EGLN3: variants seen among roughly 807,000 people sequenced by gnomAD.
EGLN3 encodes the protein egl-9 family hypoxia inducible factor 3.
A neutral mutation model predicts 26.0 loss-of-function variants in EGLN3; 15 were observed. The ratio of observed to expected loss-of-function variants is 0.58; its 90% CI spans 0.39 to 0.89. The LOEUF is 0.89. EGLN3 is among the 40% of genes least tolerant of loss of function. The probability of loss-of-function intolerance (pLI) is 0.00; values close to 1 mark genes in which losing one functional copy is unlikely to be tolerated. For missense variants in EGLN3, 238 were observed against 311.6 expected, an observed-to-expected ratio of 0.76 and a Z score of 1.78; for synonymous variants, 147 against 127.2, an observed-to-expected ratio of 1.16 and a Z score of -1.05.
At chr14:33,926,231 A>T (rs950276074) in intron 4 of EGLN3, among the ~76,000 whole-genome samples, 17 of 152,210 alleles carry the variant, frequency 1.1e-4, no homozygotes, top group Admixed American at 6.5e-4. Flanking sequence ...TCTGGAAGAG[A>T]AAACAAACTG....
At chr14:33,925,992 G>A (rs768724418) in intron 4 of EGLN3, 70 bp from the exon 5 acceptor site, 29 of 1,517,740 alleles carry the variant, frequency 1.9e-5, no homozygotes, top group Non-Finnish European at 2.6e-5. Context: ...TGTCACAAAT[G>A]TCACCAAAAA....
chr14:33,943,430 A>G (rs1189653227), intron 1 of EGLN3, among the ~76,000 whole-genome samples: 1 of 152,224 alleles, frequency 6.6e-6, no homozygotes, highest in African/African-American at 2.4e-5. Flanking sequence ...GAAAAGCGAC[A>G]CCCGTTTCTT....
At chr14:33,933,723 C>T (rs2064420501) in intron 1 of EGLN3, among the ~76,000 whole-genome samples, 1 of 151,970 alleles carries the variant, frequency 6.6e-6, no homozygotes, top group African/African-American at 2.4e-5. Flanking sequence ...AAGGATGCAC[C>T]GAGAAGCAAG....
At chr14:33,933,430 C>A (rs2064418400) in intron 1 of EGLN3, among the ~76,000 whole-genome samples, 1 of 151,904 alleles carries the variant, frequency 6.6e-6, no homozygotes, top group Admixed American at 6.6e-5. Context: ...TAGGACAAAA[C>A]CCCTACATGT....
At chr14:33,925,985 C>T in intron 4 of EGLN3, 63 bp from the exon 5 acceptor site, 1 of 1,533,874 alleles carries the variant, frequency 6.5e-7, no homozygotes, top group Non-Finnish European at 9.0e-7. Flanking sequence ...AGTTTTATGT[C>T]ACAAATGTCA....
At chr14:33,935,620 C>CAT (rs1245783595) in intron 1 of EGLN3, among the ~76,000 whole-genome samples, 141 of 74,658 alleles carry the variant, frequency 1.9e-3, no homozygotes, top group Middle Eastern at 6.9e-3. Flanking sequence ...CACACACACA[C>CAT]ATATATATAT....
chr14:33,927,995 C>T (rs553381871), intron 3 of EGLN3, among the ~76,000 whole-genome samples: 12 of 151,904 alleles, frequency 7.9e-5, no homozygotes, highest in South Asian at 2.1e-4. Context: ...TAGCTACTTC[C>T]GTAGCTAACA....
At chr14:33,939,557 G>A (rs1161370424) in intron 1 of EGLN3, among the ~76,000 whole-genome samples, 1 of 152,158 alleles carries the variant, frequency 6.6e-6, no homozygotes, top group Non-Finnish European at 1.5e-5. Context: ...TTCAGCACTT[G>A]GAAAAACAGA....
At chr14:33,947,691 T>C (rs1488317081) in intron 1 of EGLN3, among the ~76,000 whole-genome samples, 6 of 152,214 alleles carry the variant, frequency 3.9e-5, no homozygotes, top group Non-Finnish European at 7.3e-5. Flanking sequence ...AATTGGGTGA[T>C]GGGAGCTCAT....
intron 3 of EGLN3, among the ~76,000 whole-genome samples, chr14:33,928,341 T>C (rs1239708458): frequency 6.6e-6 from 1 of 152,158 alleles, no homozygotes; most frequent in African/African-American, 2.4e-5. Context: ...CTCCTGCCCC[T>C]GAATGCTAGT....
intron 3 of EGLN3, among the ~76,000 whole-genome samples, chr14:33,928,044 A>T (rs1030626517): frequency 2.0e-5 from 3 of 152,056 alleles, no homozygotes; most frequent in African/African-American, 7.2e-5. Flanking sequence ...GGGACTTCTC[A>T]TCAACATTTG....
intron 1 of EGLN3, among the ~76,000 whole-genome samples, chr14:33,945,239 C>A (rs2064509528): frequency 6.6e-6 from 1 of 152,220 alleles, no homozygotes; most frequent in African/African-American, 2.4e-5. Context: ...CAGCAGCACT[C>A]CTCCCCAAAA....
chr14:33,931,382 G>C, intron 1 of EGLN3, 167 bp from the exon 2 acceptor site: 1 of 914,058 alleles, frequency 1.1e-6, no homozygotes, highest in Non-Finnish European at 1.6e-6. Flanking sequence ...GGACTCTTCT[G>C]TGCACAATGG....
intron 2 of EGLN3, among the ~76,000 whole-genome samples, chr14:33,930,044 T>C (rs1190598178): frequency 6.6e-6 from 1 of 152,186 alleles, no homozygotes. Flanking sequence ...CTTGAATTAT[T>C]TTTTTTACAT....
At chr14:33,940,434 C>T (rs774974523) in intron 1 of EGLN3, among the ~76,000 whole-genome samples, 1 of 151,172 alleles carries the variant, frequency 6.6e-6, no homozygotes, top group East Asian at 2.0e-4. Flanking sequence ...ATCAACTGAC[C>T]TCTGACTTTC....
In EGLN3 at chr14:33,928,452, T is replaced by G. The variant is rs116325330; in HGVS notation, c.614+624A>C. 5.9e-3 allele frequency among the ~76,000 whole-genome samples: 897 copies of G among 152,282 alleles called. 10 individuals carry two copies. Among genetic ancestry groups the G allele is most frequent in the African/African-American group, 0.02 (846 of 41,544 alleles). ...GAGGCAGAATTGAGAATGAAGATTT[T>G]TTGTCAAGATTGTCTAGATTGGTCC... On this transcript the variant is annotated intron_variant, in intron 3 of 4. Coordinates refer to ENST00000250457, the MANE Select transcript of EGLN3 (RefSeq NM_022073.4).
intron 1 of EGLN3, among the ~76,000 whole-genome samples, chr14:33,935,532 TA>T (rs539998100): frequency 1.3e-5 from 2 of 152,052 alleles, no homozygotes; most frequent in African/African-American, 4.8e-5. Flanking sequence ...GATCTTTATG[TA>T]AACTCTCCTG....
chr14:33,941,532 T>C, intron 1 of EGLN3, among the ~76,000 whole-genome samples: 1 of 148,444 alleles, frequency 6.7e-6, no homozygotes. Flanking sequence ...CCACCCATCT[T>C]CCCCCGTCAT....
intron 1 of EGLN3, among the ~76,000 whole-genome samples, chr14:33,938,646 A>G (rs2064459050): frequency 6.6e-6 from 1 of 152,248 alleles, no homozygotes; most frequent in African/African-American, 2.4e-5. Context: ...TTATAAAATC[A>G]GCAAAGGTCA....
Sources: allele counts gnomAD v4.1 joint callset (sites outside exome capture counted in the v4.1 genomes callset), GRCh38; gene constraint gnomAD v4.1.1; transcripts MANE v1.5; gene names NCBI Gene and HGNC (gene_info 2026-07-23, HGNC 2026-07-21).